The following PRKN variants were observed in gnomAD, a reference collection of about 807,000 sequenced individuals.
PRKN encodes E3 ubiquitin-protein ligase parkin.
A neutral mutation model predicts 59.5 loss-of-function variants in PRKN; 56 were observed. That is an observed-to-expected ratio of 0.94 (90% CI 0.76 to 1.18). PRKN has a LOEUF of 1.18. Among genes scored for constraint, PRKN ranks in the 50% most tolerant of loss-of-function variants. The pLI, the probability that PRKN is intolerant of heterozygous loss-of-function variation, is 0.00. For missense variants in PRKN, 657 were observed against 596.4 expected, an observed-to-expected ratio of 1.10 and a Z score of -1.06; for synonymous variants, 250 against 222.1, an observed-to-expected ratio of 1.13 and a Z score of -1.12.
intron 1 of PRKN, among the ~76,000 whole-genome samples, chr6:162,501,488 C>T (rs899244082): frequency 2.0e-5 from 3 of 150,660 alleles, no homozygotes; most frequent in Admixed American, 6.6e-5. Context: ...TCTGGGATTA[C>T]AGGCATGTGC....
At position 161,357,486 on chromosome 6, in the gene PRKN, A is replaced by G. The variant is rs1402397959; in HGVS notation, c.1285+2602T>C. On this transcript the variant is annotated intron_variant, in intron 11 of 11. Transcript: ENST00000366898. This position sits in a 1 kb window ranked among gnomAD's most constrained non-coding sequence, Gnocchi z 5.5. ...GCCTGTGACGCCTGCCAGAAGTGGG[A>G]ACATGGGTGGGTGTTTAAGGATCCC... is the stretch of plus-strand genomic sequence containing the variant. Among the ~76,000 whole-genome samples the G allele has an allele frequency of 6.6e-6, 1 of 152,230 alleles. No individual in the cohort carries two copies. Among genetic ancestry groups the G allele is most frequent in the Non-Finnish European group, 1.5e-5 (1 of 68,034 alleles).
chr6:162,661,222 T>C (rs1348653042), intron 1 of PRKN, among the ~76,000 whole-genome samples: 1 of 151,844 alleles, frequency 6.6e-6, no homozygotes, highest in Non-Finnish European at 1.5e-5. Flanking sequence ...GATCACGCCA[T>C]TGCACTCCAG....
chr6:161,945,219 C>T (rs532696083), intron 6 of PRKN, among the ~76,000 whole-genome samples: 28 of 152,218 alleles, frequency 1.8e-4, no homozygotes, highest in African/African-American at 6.7e-4. Context: ...CCCCCTATTG[C>T]TCACATGCAG....
At chr6:162,604,602 AC>A (rs1781833567) in intron 1 of PRKN, among the ~76,000 whole-genome samples, 1 of 150,858 alleles carries the variant, frequency 6.6e-6, no homozygotes, top group Admixed American at 6.6e-5. Context: ...TTTCCCCCAC[AC>A]TCATCCCCTA....
chr6:162,707,460 G>A lies in PRKN; in HGVS notation c.7+20202C>T, dbSNP rs777461297. Among the ~76,000 whole-genome samples the A allele has an allele frequency of 2.6e-5, 4 of 152,010 alleles. 1 individual carries two copies. The stretch of plus-strand genomic sequence containing the variant: ...GGAAAAAGGACACACATTGTTAGAA[G>A]GATTATTCAGCATGAAGGACTAAAA... On this transcript the variant is annotated intron_variant, in intron 1 of 11. Transcript: ENST00000366898.
intron 7 of PRKN, among the ~76,000 whole-genome samples, chr6:161,606,038 G>A (rs1040133179): frequency 1.3e-5 from 2 of 152,170 alleles, no homozygotes; most frequent in African/African-American, 4.8e-5. Flanking sequence ...ATGGGGGTTC[G>A]AGGAAATGCA....
intron 5 of PRKN, among the ~76,000 whole-genome samples, chr6:161,992,103 C>T (rs529065901): frequency 2.0e-5 from 3 of 152,176 alleles, no homozygotes; most frequent in Admixed American, 6.5e-5. Context: ...ACTTGGGAGG[C>T]CAAGGAGGGC....
At chr6:162,463,206 A>T (rs1452510373) in intron 1 of PRKN, among the ~76,000 whole-genome samples, 1 of 152,198 alleles carries the variant, frequency 6.6e-6, no homozygotes, top group Admixed American at 6.5e-5. Context: ...TCTGTTATTA[A>T]ATGATGAGAA....
chr6:161,925,170 A>G (rs932756948), intron 6 of PRKN, among the ~76,000 whole-genome samples: 9 of 148,526 alleles, frequency 6.1e-5, no homozygotes, highest in Non-Finnish European at 1.4e-4. Context: ...TACAAATTTA[A>G]ATACCACAAA....
At chr6:162,539,831 T>A (rs2128199436) in intron 1 of PRKN, among the ~76,000 whole-genome samples, 1 of 152,334 alleles carries the variant, frequency 6.6e-6, no homozygotes. Context: ...GCAAAAGATG[T>A]AAATTAAACC....
chr6:161,367,734 C>T (rs1159124104), intron 10 of PRKN, among the ~76,000 whole-genome samples: 2 of 152,100 alleles, frequency 1.3e-5, no homozygotes, highest in East Asian at 1.9e-4. Flanking sequence ...GAGGGGCGGC[C>T]GGCGGGTCCG....
chr6:161,778,259 C>A (rs970957327), intron 7 of PRKN, among the ~76,000 whole-genome samples: 1 of 152,076 alleles, frequency 6.6e-6, no homozygotes, highest in Non-Finnish European at 1.5e-5. Context: ...AGAAATACAA[C>A]CACCAAACAA....
intron 1 of PRKN, among the ~76,000 whole-genome samples, chr6:162,553,059 G>C (rs1166409462): frequency 6.6e-6 from 1 of 152,100 alleles, no homozygotes; most frequent in Non-Finnish European, 1.5e-5. Context: ...GATTAAATGG[G>C]AAGGGAAAAT....
intron 3 of PRKN, among the ~76,000 whole-genome samples, chr6:162,218,870 C>A (rs1777812563): frequency 6.6e-6 from 1 of 152,066 alleles, no homozygotes; most frequent in African/African-American, 2.4e-5. Flanking sequence ...CAGTTGCCAA[C>A]CATATGCCTG....
intron 7 of PRKN, among the ~76,000 whole-genome samples, chr6:161,642,787 T>A (rs1041235790): frequency 1.3e-5 from 2 of 152,194 alleles, no homozygotes; most frequent in Non-Finnish European, 2.9e-5. Flanking sequence ...TAGAAGGAAC[T>A]CCTTACTATG....
At chr6:162,154,952 C>A in intron 4 of PRKN, among the ~76,000 whole-genome samples, 1 of 149,982 alleles carries the variant, frequency 6.7e-6, no homozygotes, top group African/African-American at 2.5e-5. Context: ...TAATTCAACT[C>A]TGGATTTCAG....
chr6:161,654,308 C>T (rs1784258950), intron 7 of PRKN, among the ~76,000 whole-genome samples: 1 of 152,094 alleles, frequency 6.6e-6, no homozygotes, highest in South Asian at 2.1e-4. Flanking sequence ...TTTATGCTTA[C>T]CCGTGTGGCT....
intron 9 of PRKN, among the ~76,000 whole-genome samples, chr6:161,492,405 T>G (rs10455889): frequency 0.44 from 67,180 of 152,080 alleles, 16,644 homozygotes; most frequent in Middle Eastern, 0.59. Context: ...TGTTCAAAAA[T>G]GAGGTGCATT....
chr6:162,262,298 T>C (rs1407678385), intron 3 of PRKN, among the ~76,000 whole-genome samples: 1 of 152,190 alleles, frequency 6.6e-6, no homozygotes, highest in Admixed American at 6.5e-5. Flanking sequence ...ATATCTCTTA[T>C]ATTTAATCTC....
Sources: gnomAD v4.1 joint callset for allele counts (sites outside exome capture counted in the v4.1 genomes callset) on GRCh38, gnomAD v4.1.1 for gene constraint, Gnocchi (gnomAD v3.1) non-coding constraint, MANE v1.5 for transcripts, NCBI Gene and HGNC (gene_info 2026-07-23, HGNC 2026-07-21) for gene names.